Variants in FGGY observed in about 807,000 individuals in gnomAD.
FGGY encodes FGGY carbohydrate kinase domain-containing protein.
In FGGY, 72 loss-of-function variants were observed where a neutral mutation model predicts 71.3. That is an observed-to-expected ratio of 1.01 (90% confidence interval 0.84 to 1.23). The LOEUF is 1.23. Ranked by LOEUF, FGGY falls within the 50% of genes most tolerant of loss-of-function variation. The pLI is 0.00. For missense variants in FGGY, 668 were observed against 682.3 expected (o/e 0.98, Z 0.23); for synonymous variants, 251 against 250.3 (o/e 1.00, Z -0.02).
At chr1:59,542,446 T>C (rs1245392392) in intron 7 of FGGY, among the ~76,000 whole-genome samples, 1 of 65,942 alleles carries the variant, frequency 1.5e-5, no homozygotes, top group Non-Finnish European at 2.7e-5. Context: ...TGTTCTTTAC[T>C]TTTTTTTTTT....
At chr1:59,476,618 C>T (rs2093278048) in intron 6 of FGGY, among the ~76,000 whole-genome samples, 1 of 152,212 alleles carries the variant, frequency 6.6e-6, no homozygotes, top group Non-Finnish European at 1.5e-5. Context: ...ACAAAAAGGC[C>T]CCAGGGCCCC....
At chr1:59,747,290 A>C (rs184737221) in intron 14 of FGGY, among the ~76,000 whole-genome samples, 2 of 152,284 alleles carry the variant, frequency 1.3e-5, no homozygotes. Context: ...TCATGTTTGG[A>C]TCCAACTCTT....
intron 5 of FGGY, among the ~76,000 whole-genome samples, chr1:59,382,713 C>T (rs188833052): frequency 6.6e-6 from 1 of 152,166 alleles, no homozygotes; most frequent in Admixed American, 6.6e-5. Context: ...GTTTGTTAGT[C>T]AAGCAGTGCT....
chr1:59,498,889 G>A (rs2153603020), intron 6 of FGGY, among the ~76,000 whole-genome samples: 1 of 152,314 alleles, frequency 6.6e-6, no homozygotes, highest in African/African-American at 2.4e-5. Context: ...CCCCCGGAGG[G>A]ACTGCAAATG....
chr1:59,519,095 G>A (rs1002076897), intron 7 of FGGY, among the ~76,000 whole-genome samples: 1 of 152,150 alleles, frequency 6.6e-6, no homozygotes, highest in African/African-American at 2.4e-5. Context: ...AGACAGTTGA[G>A]GCTCACAAGA....
At chr1:59,687,731 G>A (rs935966616) in intron 14 of FGGY, among the ~76,000 whole-genome samples, 4 of 151,682 alleles carry the variant, frequency 2.6e-5, no homozygotes, top group Non-Finnish European at 5.9e-5. Context: ...GCCTCCTAAA[G>A]TGCTGGGATT....
intron 7 of FGGY, among the ~76,000 whole-genome samples, chr1:59,525,756 C>A (rs1431374492): frequency 6.6e-6 from 1 of 152,136 alleles, no homozygotes; most frequent in Non-Finnish European, 1.5e-5. Flanking sequence ...TTCTATCCTA[C>A]TGGGGACGTT....
chr1:59,468,146 GC>G (rs550160675), intron 6 of FGGY, among the ~76,000 whole-genome samples: 1 of 151,924 alleles, frequency 6.6e-6, no homozygotes, highest in Admixed American at 6.6e-5. Context: ...CAAGTGATCC[GC>G]CCCCCTCAGC....
At chr1:59,542,922 G>A (rs141194720) in intron 7 of FGGY, among the ~76,000 whole-genome samples, 3 of 152,268 alleles carry the variant, frequency 2.0e-5, no homozygotes, top group African/African-American at 7.2e-5. Context: ...CCTAGGATGG[G>A]CACAGAGAAA....
chr1:59,713,042 C>A (rs2097809717), intron 14 of FGGY, among the ~76,000 whole-genome samples: 1 of 152,156 alleles, frequency 6.6e-6, no homozygotes, highest in African/African-American at 2.4e-5. Context: ...TGCTTTGCTG[C>A]TTAGGAATTT....
intron 10 of FGGY, among the ~76,000 whole-genome samples, chr1:59,627,526 A>G: frequency 6.7e-6 from 1 of 148,570 alleles, no homozygotes; most frequent in East Asian, 2.0e-4. Context: ...ATATAAATAT[A>G]AGTAAATATA....
intron 2 of FGGY, among the ~76,000 whole-genome samples, chr1:59,325,578 C>T (rs1453741068): frequency 5.3e-5 from 8 of 152,106 alleles, no homozygotes; most frequent in Admixed American, 3.9e-4. Flanking sequence ...CTTGTTTACC[C>T]CCTTTTAAAC....
chr1:59,614,166 G>A (rs1257921968), intron 9 of FGGY, among the ~76,000 whole-genome samples: 1 of 152,160 alleles, frequency 6.6e-6, no homozygotes, highest in East Asian at 1.9e-4. Context: ...GCATCATCCT[G>A]ATACCAAAGC....
At chr1:59,625,884 G>C in intron 9 of FGGY, 104 bp from the exon 10 acceptor site, 1 of 835,654 alleles carries the variant, frequency 1.2e-6, no homozygotes, top group Non-Finnish European at 1.7e-6. Flanking sequence ...AACCCGTATG[G>C]ACAAAGAGTT....
At chr1:59,634,648 C>T (rs1030542713) in intron 10 of FGGY, among the ~76,000 whole-genome samples, 2 of 151,744 alleles carry the variant, frequency 1.3e-5, no homozygotes, top group Non-Finnish European at 2.9e-5. Context: ...CATTTAAGAT[C>T]ACAAGCAATA....
intron 8 of FGGY, among the ~76,000 whole-genome samples, chr1:59,592,799 G>C (rs573263424): frequency 7.3e-6 from 1 of 136,384 alleles, no homozygotes; most frequent in African/African-American, 3.0e-5. Context: ...GTGGGGGGAC[G>C]GGGGAGGGAT....
chr1:59,642,061 A>T (rs970391194), intron 11 of FGGY, among the ~76,000 whole-genome samples: 2 of 151,982 alleles, frequency 1.3e-5, no homozygotes, highest in African/African-American at 4.8e-5. Flanking sequence ...TCAAGAATCC[A>T]CCCAAGCAGG....
chr1:59,540,099 C>G (rs2095416375), intron 7 of FGGY, among the ~76,000 whole-genome samples: 3 of 152,158 alleles, frequency 2.0e-5, no homozygotes, highest in African/African-American at 7.2e-5. Context: ...TGGCTAAAAT[C>G]AAACGGTTTG....
In FGGY at chr1:59,334,403, CA is replaced by C. The variant is rs570729743; in HGVS notation, c.202-5552del. 3.2e-4 allele frequency among the ~76,000 whole-genome samples: 48 copies of C among 152,306 alleles called. No individual in the cohort carries two copies. In the East Asian group the frequency reaches 6.4e-3, roughly 20 times the overall value. On this transcript the variant is annotated intron_variant, in intron 2 of 15. Transcript: ENST00000303721. ...AAGTGATCTTCCCGTCTTGGCCTCC[CA>C]AAGTGTTGGGATTACAGGCGTGAGC...
Sources: allele counts gnomAD v4.1 joint callset (sites outside exome capture counted in the v4.1 genomes callset), GRCh38; gene constraint gnomAD v4.1.1; transcripts MANE v1.5; gene names NCBI Gene and HGNC (gene_info 2026-07-23, HGNC 2026-07-21).